ROBO2: variants seen among roughly 807,000 people sequenced by gnomAD.
ROBO2 encodes roundabout guidance receptor 2.
A neutral mutation model predicts 160.8 loss-of-function variants in ROBO2; 53 were observed. The ratio of observed to expected loss-of-function variants is 0.33; its 90% CI spans 0.26 to 0.41. ROBO2 has a LOEUF of 0.41. Among genes scored for constraint, ROBO2 ranks in the 10% least tolerant of loss-of-function variants. ROBO2 has a pLI of 1.00. For synonymous variants in ROBO2, 664 were observed against 611.7 expected (o/e 1.09, Z -1.26); for missense variants, 1,577 against 1,722.4 (o/e 0.92, Z 1.49).
intron 2 of ROBO2, among the ~76,000 whole-genome samples, chr3:76,594,647 G>A (rs948433810): frequency 2.0e-5 from 3 of 151,758 alleles, no homozygotes; most frequent in Non-Finnish European, 4.4e-5. Context: ...GTCTCCATTA[G>A]AACGTAAACT....
At chr3:76,764,448 T>C (rs1016487773) in intron 2 of ROBO2, among the ~76,000 whole-genome samples, 6 of 151,722 alleles carry the variant, frequency 4.0e-5, no homozygotes, top group African/African-American at 1.5e-4. Context: ...TTTTTAATAA[T>C]ACTAATGTTT....
chr3:77,070,913 A>G (rs1427794797), intron 1 of ROBO2, among the ~76,000 whole-genome samples: 1 of 152,092 alleles, frequency 6.6e-6, no homozygotes, highest in African/African-American at 2.4e-5. Context: ...CAAATAAGAA[A>G]CAGGCCAGGT....
chr3:76,812,909 A>ATTTTTTTTTTTTTTTT (rs71104626), intron 2 of ROBO2, among the ~76,000 whole-genome samples: 19 of 104,658 alleles, frequency 1.8e-4, no homozygotes, highest in African/African-American at 6.9e-4. Context: ...AGAAGTATAA[A>ATTTTTTTTTTTTTTTT]TTTTTTTTTT....
chr3:76,620,784 A>T lies in ROBO2; in HGVS notation c.110-477230A>T, dbSNP rs553866185. On this transcript the variant is annotated intron_variant, in intron 2 of 26. Coordinates refer to the ROBO2 transcript ENST00000487694. Reference sequence around the variant, plus strand: ...TAGGGACCAGTTCCAATTCTATATTATAAGTAAGAAATAACAAAACGCCGG... The same window carrying T: ...TAGGGACCAGTTCCAATTCTATATTTTAAGTAAGAAATAACAAAACGCCGG... 8.2e-4 allele frequency among the ~76,000 whole-genome samples: 125 copies of T among 152,300 alleles called. 1 individual carries two copies. Among genetic ancestry groups the T allele is most frequent in the Non-Finnish European group, 1.4e-3 (97 of 68,018 alleles).
chr3:76,923,089 A>G (rs1260124927), intron 2 of ROBO2, among the ~76,000 whole-genome samples: 1 of 152,192 alleles, frequency 6.6e-6, no homozygotes, highest in Non-Finnish European at 1.5e-5. Context: ...TGCTTCGGGC[A>G]TCAAGGGCAG....
chr3:76,174,291 A>C (rs1432342791), intron 2 of ROBO2, among the ~76,000 whole-genome samples: 1 of 151,920 alleles, frequency 6.6e-6, no homozygotes, highest in Non-Finnish European at 1.5e-5. Flanking sequence ...CTGTTGCAAA[A>C]ATTTTCTCCC....
intron 2 of ROBO2, among the ~76,000 whole-genome samples, chr3:76,899,819 T>C (rs562544238): frequency 1.6e-4 from 25 of 152,258 alleles, no homozygotes; most frequent in African/African-American, 5.8e-4. Flanking sequence ...AGATGAGTCT[T>C]AGTCATATAT....
intron 2 of ROBO2, among the ~76,000 whole-genome samples, chr3:76,815,820 T>C (rs1384686600): frequency 1.3e-5 from 2 of 152,072 alleles, no homozygotes; most frequent in Non-Finnish European, 2.9e-5. Flanking sequence ...TTCCCTTTCC[T>C]CACTCATATT....
chr3:76,409,357 A>G (rs2075371472), intron 2 of ROBO2, among the ~76,000 whole-genome samples: 1 of 152,076 alleles, frequency 6.6e-6, no homozygotes, highest in Admixed American at 6.6e-5. Flanking sequence ...ATCTTGAATG[A>G]AAGCCCCATA....
chr3:77,182,201 G>C (rs555354669), intron 2 of ROBO2, among the ~76,000 whole-genome samples: 137 of 152,150 alleles, frequency 9.0e-4, no homozygotes, highest in Middle Eastern at 3.4e-3. Flanking sequence ...TCCAACAGTT[G>C]GGACTGAATA....
At chr3:77,524,165 C>G (rs1409208940) in intron 6 of ROBO2, among the ~76,000 whole-genome samples, 1 of 151,152 alleles carries the variant, frequency 6.6e-6, no homozygotes, top group African/African-American at 2.4e-5. Flanking sequence ...TGTAGATATT[C>G]TAGTGTGAAT....
At chr3:76,532,430 A>G (rs2082279088) in intron 2 of ROBO2, among the ~76,000 whole-genome samples, 1 of 152,202 alleles carries the variant, frequency 6.6e-6, no homozygotes, top group Non-Finnish European at 1.5e-5. Flanking sequence ...CCTTTGTTTC[A>G]AATATTATGA....
In ROBO2 at chr3:76,446,313, C is replaced by T. The variant is rs1484518701; in HGVS notation, c.109+508711C>T. 2.6e-5 allele frequency among the ~76,000 whole-genome samples: 4 copies of T among 152,138 alleles called. No individual in the cohort carries two copies. The South Asian group carries it at 8.3e-4, about 32-fold the overall frequency. Reference sequence around the variant, plus strand: ...CAATTGCTTCAAAGAGAATAAAATACCTAGGAATCCCACTTACAAGGGATA... The same window carrying T: ...CAATTGCTTCAAAGAGAATAAAATATCTAGGAATCCCACTTACAAGGGATA... On this transcript the variant is annotated intron_variant, in intron 2 of 26. Coordinates refer to the ROBO2 transcript ENST00000487694.
In ROBO2 at chr3:76,834,062, T is replaced by C. The variant is rs1226666015; in HGVS notation, c.110-263952T>C. Among the ~76,000 whole-genome samples the C allele has an allele frequency of 4.5e-4, 40 of 88,078 alleles. 2 individuals are homozygous for C. Among genetic ancestry groups the C allele is most frequent in the East Asian group, 7.4e-4 (2 of 2,694 alleles). The allele number at this position is 88,078 out of a possible 152,430, so 57.8% of individuals were successfully genotyped here. ...TTCCTTTCTTTCTCTCCTTTCTTTCTTTTCTTTCTTTCTTTCTTTCTTTCT... is the reference window on the plus strand; with the variant it reads ...TTCCTTTCTTTCTCTCCTTTCTTTCCTTTCTTTCTTTCTTTCTTTCTTTCT... On this transcript the variant is annotated intron_variant, in intron 2 of 26. Transcript: ENST00000487694.
intron 2 of ROBO2, among the ~76,000 whole-genome samples, chr3:76,468,495 T>TA (rs1293819546): frequency 6.6e-6 from 1 of 152,072 alleles, no homozygotes; most frequent in African/African-American, 2.4e-5. Context: ...CTCCCCTTTA[T>TA]AGCCACACAT....
chr3:77,319,134 G>T (rs1034830341), intron 2 of ROBO2, among the ~76,000 whole-genome samples: 6 of 152,080 alleles, frequency 3.9e-5, no homozygotes, highest in Non-Finnish European at 8.8e-5. Context: ...GACAATATGG[G>T]CAATGGCTAA....
intron 6 of ROBO2, among the ~76,000 whole-genome samples, chr3:77,527,953 G>T (rs1031382056): frequency 7.3e-5 from 11 of 151,546 alleles, no homozygotes; most frequent in African/African-American, 1.9e-4. Flanking sequence ...TACCCTAAGT[G>T]GGGGAGGGAT....
chr3:76,677,881 C>T (rs2092450504), intron 2 of ROBO2, among the ~76,000 whole-genome samples: 1 of 149,796 alleles, frequency 6.7e-6, no homozygotes, highest in South Asian at 2.1e-4. Flanking sequence ...TGCTGACTTG[C>T]CTATGATTGT....
intron 2 of ROBO2, among the ~76,000 whole-genome samples, chr3:76,465,998 G>GGGGT (rs143188456): frequency 1.6e-4 from 23 of 147,674 alleles, no homozygotes; most frequent in South Asian, 1.3e-3. Flanking sequence ...ATAAAATATG[G>GGGGT]GTGTGTGTGT....
Sources: allele counts gnomAD v4.1 joint callset (sites outside exome capture counted in the v4.1 genomes callset), GRCh38; gene constraint gnomAD v4.1.1; transcripts MANE v1.5; gene names NCBI Gene and HGNC (gene_info 2026-07-23, HGNC 2026-07-21).